Variants in ABCA6 observed in about 807,000 individuals in gnomAD.
The protein encoded by ABCA6 is ATP-binding cassette sub-family A member 6.
A neutral mutation model predicts 191.2 loss-of-function variants in ABCA6; 164 were observed. That is an observed-to-expected ratio of 0.86 (90% confidence interval 0.76 to 0.98). ABCA6 has a LOEUF of 0.98. Among genes scored for constraint, ABCA6 ranks in the 50% least tolerant of loss-of-function variants. The pLI, the probability that ABCA6 is intolerant of heterozygous loss-of-function variation, is 0.00. For synonymous variants in ABCA6, 636 were observed against 647.7 expected, an observed-to-expected ratio of 0.98 and a Z score of 0.27; for missense variants, 1,958 against 1,894.1, an observed-to-expected ratio of 1.03 and a Z score of -0.63.
chr17:69,137,423 TCCAGGAAA>T lies in ABCA6; in HGVS notation c.166_173del (p.Phe56AsnfsTer11), dbSNP rs1270633988. ...CCCTTCCCAGATTCTGAGGAGCCAT[TCCAGGAAA>T]CTGGACATTTCTCATGGAACTGGAA... On this transcript the variant is annotated frameshift_variant, in exon 3 of 39. Transcript: ENST00000284425. LOFTEE classifies it high-confidence loss of function. The T allele has an allele frequency of 1.2e-6, 2 of 1,613,698 alleles. No homozygotes were observed. The highest frequency in any genetic ancestry group is 1.7e-6 in the Non-Finnish European group (2 of 1,179,778).
intron 11 of ABCA6, chr17:69,115,975 C>T (rs926733800): frequency 2.0e-5 from 3 of 152,042 alleles, no homozygotes; most frequent in African/African-American, 7.2e-5. Flanking sequence ...TCTCCCACGT[C>T]AGCTCCCTGT....
intron 4 of ABCA6, among the ~76,000 whole-genome samples, chr17:69,134,971 C>G (rs759511523): frequency 4.2e-5 from 6 of 143,896 alleles, no homozygotes; most frequent in Non-Finnish European, 9.0e-5. Context: ...CAACCTCCAC[C>G]TCCTGGGTTC....
chr17:69,109,288 T>C (rs1306015533), intron 17 of ABCA6: 1 of 152,074 alleles, frequency 6.6e-6, no homozygotes, highest in Non-Finnish European at 1.5e-5. Context: ...ATAGCACCCA[T>C]CTCATAGAAA....
At chr17:69,080,986 A>T in intron 37 of ABCA6, 80 bp downstream of exon 37, 1 of 891,084 alleles carries the variant, frequency 1.1e-6, no homozygotes, top group Non-Finnish European at 1.7e-6. Flanking sequence ...AAAAATTGTT[A>T]CACAATTAGC....
At chr17:69,115,632 T>A (rs1390329218) in intron 11 of ABCA6, 146 bp from the exon 12 acceptor site, 1 of 494,174 alleles carries the variant, frequency 2.0e-6, no homozygotes, top group African/African-American at 2.0e-5. Flanking sequence ...CAATGATCAA[T>A]ATTTTCCTAA....
At chr17:69,096,881 G>A in intron 23 of ABCA6, 80 bp from the exon 24 acceptor site, 2 of 1,188,404 alleles carry the variant, frequency 1.7e-6, no homozygotes, top group Non-Finnish European at 2.3e-6. Flanking sequence ...CAAACACATT[G>A]GAAGAATTTT....
rs2072916198 is a variant in ABCA6 at position 69,091,280 on chromosome 17, A to G, written c.3409-18T>C. On this transcript the variant is annotated intron_variant, in intron 25 of 38. Coordinates refer to ENST00000284425, the MANE Select transcript of ABCA6 (RefSeq NM_080284.3). The stretch of plus-strand genomic sequence containing the variant: ...GTGGAGGCCTACAAGGCAAGTTCAA[A>G]TATATTGTATCAGACATACTCAACC... The G allele has an allele frequency of 1.2e-6, 2 of 1,607,292 alleles. No homozygotes were observed. The highest frequency in any genetic ancestry group is 1.7e-6 in the Non-Finnish European group (2 of 1,178,758).
intron 35 of ABCA6, 37 bp downstream of exon 35, chr17:69,083,175 T>C (rs996580194): frequency 1.9e-6 from 3 of 1,566,222 alleles, no homozygotes; most frequent in Admixed American, 2.0e-5. Flanking sequence ...GAAATCTCAT[T>C]TTGAGCATCA....
At chr17:69,129,331 C>G (rs1465632528) in intron 7 of ABCA6, among the ~76,000 whole-genome samples, 2 of 152,124 alleles carry the variant, frequency 1.3e-5, no homozygotes, top group Non-Finnish European at 2.9e-5. Context: ...AATAATTATA[C>G]AGAAAAGACT....
chr17:69,114,406 G>A (rs960033787), intron 13 of ABCA6, among the ~76,000 whole-genome samples: 24 of 129,918 alleles, frequency 1.8e-4, no homozygotes, highest in African/African-American at 6.4e-4. Flanking sequence ...ACACATGGGG[G>A]CCTGTTGTGG....
intron 5 of ABCA6, 123 bp downstream of exon 5, chr17:69,134,516 C>T (rs1680124250): frequency 4.3e-6 from 3 of 692,796 alleles, no homozygotes; most frequent in East Asian, 5.5e-5. Context: ...TACAAATTAC[C>T]CAATCTCAAG....
At chr17:69,119,087 A>C (rs2073591467) in intron 10 of ABCA6, among the ~76,000 whole-genome samples, 1 of 152,060 alleles carries the variant, frequency 6.6e-6, no homozygotes, top group Non-Finnish European at 1.5e-5. Context: ...TTCACAGAAA[A>C]AAGATTCACA....
chr17:69,083,381 G>A (rs1303718892), intron 34 of ABCA6, 50 bp from the exon 35 acceptor site: 10 of 1,495,684 alleles, frequency 6.7e-6, no homozygotes, highest in South Asian at 1.4e-5. Context: ...AAGTGCAGAA[G>A]AAAAAAAAGA....
chr17:69,137,993 C>A (rs1001083752), intron 2 of ABCA6, among the ~76,000 whole-genome samples: 1 of 152,196 alleles, frequency 6.6e-6, no homozygotes, highest in Non-Finnish European at 1.5e-5. Flanking sequence ...TGCTTGACTG[C>A]ATTCTCAGCC....
In ABCA6 at chr17:69,110,874, A is replaced by T. The variant is rs753157267; in HGVS notation, c.2199T>A (p.Asp733Glu). 8.7e-6 allele frequency: 14 copies of T among 1,612,018 alleles called. No individual in the cohort carries two copies. The East Asian group carries it at 2.9e-4, about 33-fold the overall frequency. ...CTTTGTTTTCTGTTTTTAATTTAGC[A>T]TCGGGGATGTGATGAGTAATGAAGG... ...ITSFITHHIP[D>E]AKLKTENKEK... Residue 733 changes from aspartate to glutamate, a missense_variant, in exon 17 of 39, where the codon GAT becomes GAA. Transcript: ENST00000284425.
At chr17:69,085,210 G>C in intron 31 of ABCA6, 28 bp from the exon 32 acceptor site, 1 of 1,581,108 alleles carries the variant, frequency 6.3e-7, no homozygotes. Context: ...CTTTAGAAAG[G>C]CATGCAGCCT....
intron 10 of ABCA6, among the ~76,000 whole-genome samples, chr17:69,119,597 AC>A (rs1271918995): frequency 1.3e-5 from 2 of 152,032 alleles, no homozygotes; most frequent in Non-Finnish European, 2.9e-5. Flanking sequence ...TGAAGCAGCC[AC>A]TCATGGTCTG....
At chr17:69,141,695 G>C (rs1215725083) in intron 1 of ABCA6, 50 bp downstream of exon 1, 1 of 152,030 alleles carries the variant, frequency 6.6e-6, no homozygotes, top group African/African-American at 2.4e-5. Flanking sequence ...GATTTTAGCA[G>C]TGTCCACCCA....
chr17:69,141,742 T>G lies in ABCA6; in HGVS notation c.-46+3A>C, dbSNP rs2074026024. ...CAGCACAACAAAATAGAGCTTTACT[T>G]ACTGTCAGGAAAATAATAAAAAGCA... On this transcript the variant is annotated splice_donor_region_variant and intron_variant, in intron 1 of 38. Transcript: ENST00000284425. 1 of 152,080 alleles carries G rather than the reference T, an allele frequency of 6.6e-6. No homozygotes were observed. The highest frequency in any genetic ancestry group is 6.6e-5 in the Admixed American group (1 of 15,224). The allele number at this position is 152,080 out of a possible 1,614,324, so 9.4% of individuals were successfully genotyped here.
Sources: allele counts gnomAD v4.1 joint callset (sites outside exome capture counted in the v4.1 genomes callset), GRCh38; gene constraint gnomAD v4.1.1; transcripts MANE v1.5; gene names NCBI Gene and HGNC (gene_info 2026-07-23, HGNC 2026-07-21).